Variants in TOPAZ1 observed in about 807,000 individuals in gnomAD.
TOPAZ1 encodes the protein protein TOPAZ1.
TOPAZ1 carries 66 observed loss-of-function variants against 172.2 expected under a neutral mutation model. The ratio of observed to expected loss-of-function variants is 0.38; its 90% confidence interval spans 0.31 to 0.47. TOPAZ1 has a LOEUF of 0.47. Among genes scored for constraint, TOPAZ1 ranks in the 20% least tolerant of loss-of-function variants. TOPAZ1 has a pLI of 0.99. For synonymous variants in TOPAZ1, 681 were observed against 683.9 expected (o/e 1.00, Z 0.07); for missense variants, 1,822 against 1,972.4 (o/e 0.92, Z 1.44).
At chr3:44,247,595 A>T (rs1699580603) in intron 2 of TOPAZ1, among the ~76,000 whole-genome samples, 2 of 152,152 alleles carry the variant, frequency 1.3e-5, no homozygotes, top group South Asian at 4.1e-4. Context: ...TTAGTACTCT[A>T]TTTAAATTGG....
At chr3:44,301,424 A>G (rs1179836263) in intron 12 of TOPAZ1, among the ~76,000 whole-genome samples, 1 of 152,206 alleles carries the variant, frequency 6.6e-6, no homozygotes, top group Non-Finnish European at 1.5e-5. Flanking sequence ...AAAGATAAGT[A>G]TATATAACTT....
intron 12 of TOPAZ1, among the ~76,000 whole-genome samples, chr3:44,292,890 A>G (rs370118298): frequency 2.0e-5 from 3 of 152,308 alleles, no homozygotes; most frequent in East Asian, 3.9e-4. Context: ...CAACACAATC[A>G]TGAATATTCT....
intron 13 of TOPAZ1, 61 bp from the exon 14 acceptor site, chr3:44,305,086 G>T (rs1700319356): frequency 1.6e-6 from 2 of 1,250,520 alleles, no homozygotes; most frequent in Admixed American, 5.8e-5. Context: ...AGACATGTTT[G>T]CATAAATGAC....
At chr3:44,255,927 T>A (rs1283899374) in intron 3 of TOPAZ1, among the ~76,000 whole-genome samples, 1 of 151,570 alleles carries the variant, frequency 6.6e-6, no homozygotes, top group African/African-American at 2.4e-5. Flanking sequence ...ATTCTTGAGA[T>A]GATCAAGAAA....
chr3:44,328,362 C>A lies in TOPAZ1; in HGVS notation c.4788C>A (p.Phe1596Leu). ...EIEMLLAIEI[F>L]MVSNASSIQS... The stretch of plus-strand genomic sequence containing the variant: ...AAATGCTCTTAGCTATTGAAATCTT[C>A]ATGGTATCTAATGCTAGTAGTATTC... The change falls in exon 19 of 20, where the codon TTC becomes TTA. Residue 1596 changes from phenylalanine to leucine, a missense_variant. By Grantham distance (22) the Phe-to-Leu change is conservative (BLOSUM62 0). Coordinates refer to ENST00000309765, the MANE Select transcript of TOPAZ1 (RefSeq NM_001145030.2). 6.6e-7 allele frequency: 1 copy of A among 1,523,966 alleles called. No individual in the cohort carries two copies. Among genetic ancestry groups the A allele is most frequent in the Non-Finnish European group, 8.8e-7 (1 of 1,136,348 alleles). 94.4% of individuals were successfully genotyped at this position (1,523,966 alleles called of 1,614,324 possible). A position where few individuals can be genotyped will look rare whatever the true frequency, so the allele number is the denominator to read the frequency against.
At position 44,242,389 on chromosome 3, in the gene TOPAZ1, G is replaced by A. The variant is rs1699495335; in HGVS notation, c.336G>A (p.Thr112=). Residue 112 remains threonine, a synonymous_variant, in exon 1 of 20, where the codon ACG becomes ACA. Coordinates refer to ENST00000309765, the MANE Select transcript of TOPAZ1 (RefSeq NM_001145030.2). ...AAKEAELPLQ[T]ERHTKEKRKV... is the part of the protein sequence containing the mutation. ...AGGAGGCTGAACTCCCCTTGCAAAC[G>A]GAAAGACACAGTAAGAAAGCATCCA... 6 of 1,552,290 alleles carry A rather than the reference G, an allele frequency of 3.9e-6. No homozygotes were observed. Among genetic ancestry groups the A allele is most frequent in the Non-Finnish European group, 5.2e-6 (6 of 1,147,120 alleles).
Position 44,241,978 on chromosome 3 carries a change from C to A in TOPAZ1, c.-76C>A. Reference sequence around the variant, plus strand: ...TCAGAGGGCAGTAGGTACCTCCAGGCGGGAGCAGCGTTTGCACCGCGGTGG... The same window carrying A: ...TCAGAGGGCAGTAGGTACCTCCAGGAGGGAGCAGCGTTTGCACCGCGGTGG... On this transcript the variant is annotated 5_prime_UTR_variant, in exon 1 of 20. Transcript: ENST00000309765. 7.3e-7 allele frequency: 1 copy of A among 1,370,644 alleles called. No individual in the cohort carries two copies. The highest frequency in any genetic ancestry group is 1.3e-5 in the South Asian group (1 of 77,854). 84.9% of individuals were successfully genotyped at this position (1,370,644 alleles called of 1,614,324 possible).
chr3:44,273,623 A>AC (rs1288274448), intron 8 of TOPAZ1, among the ~76,000 whole-genome samples: 2 of 151,964 alleles, frequency 1.3e-5, no homozygotes, highest in Non-Finnish European at 2.9e-5. Context: ...CTGATGTACC[A>AC]CCCCCCATGC....
At chr3:44,310,374 T>A (rs1379399983) in intron 16 of TOPAZ1, among the ~76,000 whole-genome samples, 1 of 151,938 alleles carries the variant, frequency 6.6e-6, no homozygotes, top group East Asian at 1.9e-4. Context: ...TGGTGGCCGC[T>A]TGTAATCCCA....
rs540909390 is a variant in TOPAZ1 at position 44,290,682 on chromosome 3, A to T, written c.3682-89A>T. 312 of 716,382 alleles carry T rather than the reference A, an allele frequency of 4.4e-4. 1 individual carries two copies. Among genetic ancestry groups the T allele is most frequent in the Non-Finnish European group, 5.9e-4 (253 of 432,304 alleles). The allele number at this position is 716,382 out of a possible 1,614,324, so 44.4% of individuals were successfully genotyped here. A position where few individuals can be genotyped will look rare whatever the true frequency, so the allele number is the denominator to read the frequency against. ...CTTGTCTCCATGTTTCACTTCTTCC[A>T]TTAGTGTCTTAGTTGTTTCACACAC... On this transcript the variant is annotated intron_variant, in intron 11 of 19. Coordinates refer to ENST00000309765, the MANE Select transcript of TOPAZ1 (RefSeq NM_001145030.2).
chr3:44,307,047 A>C (rs1341813287), intron 15 of TOPAZ1, among the ~76,000 whole-genome samples: 3 of 151,898 alleles, frequency 2.0e-5, no homozygotes, highest in African/African-American at 7.3e-5. Context: ...TTTGTGATGG[A>C]GTTTCGCTCT....
At chr3:44,332,187 T>C, downstream of TOPAZ1, 1 of 559,934 alleles carries the variant, frequency 1.8e-6, no homozygotes, top group African/African-American at 1.9e-5. Flanking sequence ...TTGATTTTAT[T>C]CACACAGAAA....
downstream of TOPAZ1, among the ~76,000 whole-genome samples, chr3:44,335,536 A>T (rs1031538068): frequency 6.6e-6 from 1 of 152,114 alleles, no homozygotes; most frequent in Admixed American, 6.5e-5. Flanking sequence ...AGGCAGGAGA[A>T]TCACTTGAGC....
At chr3:44,310,229 G>A (rs531184369) in intron 16 of TOPAZ1, among the ~76,000 whole-genome samples, 9 of 152,322 alleles carry the variant, frequency 5.9e-5, no homozygotes, top group African/African-American at 2.2e-4. Flanking sequence ...GCCGGGTGTG[G>A]TGACTCATGC....
chr3:44,304,661 A>G (rs1298302461), intron 13 of TOPAZ1, among the ~76,000 whole-genome samples: 2 of 152,258 alleles, frequency 1.3e-5, no homozygotes, highest in African/African-American at 4.8e-5. Flanking sequence ...TAGAAAGATA[A>G]TAAGTTGATT....
At chr3:44,261,175 C>G (rs536758047) in intron 4 of TOPAZ1, among the ~76,000 whole-genome samples, 1 of 152,026 alleles carries the variant, frequency 6.6e-6, no homozygotes, top group South Asian at 2.1e-4. Flanking sequence ...ATCTTTAACT[C>G]TAGTATTCTC....
intron 2 of TOPAZ1, among the ~76,000 whole-genome samples, chr3:44,253,467 G>A (rs138441303): frequency 1.3e-5 from 2 of 152,312 alleles, no homozygotes; most frequent in Non-Finnish European, 2.9e-5. Context: ...TTCATCAGAT[G>A]GGGGTGAGGC....
At chr3:44,253,861 G>T (rs931835539) in intron 2 of TOPAZ1, among the ~76,000 whole-genome samples, 2 of 152,156 alleles carry the variant, frequency 1.3e-5, no homozygotes, top group African/African-American at 4.8e-5. Context: ...AGGAGCAGTC[G>T]CAGTGCTGAA....
intron 12 of TOPAZ1, among the ~76,000 whole-genome samples, chr3:44,301,419 T>TAAATATATATATATTA (rs1296967713): frequency 2.0e-5 from 3 of 152,216 alleles, no homozygotes; most frequent in African/African-American, 7.2e-5. Context: ...CTTTTAAAGA[T>TAAATATATATATATTA]AAGTATATAT....
Sources: gnomAD v4.1 joint callset for allele counts (sites outside exome capture counted in the v4.1 genomes callset) on GRCh38, gnomAD v4.1.1 for gene constraint, MANE v1.5 for transcripts, NCBI Gene and HGNC (gene_info 2026-07-23, HGNC 2026-07-21) for gene names.